Variants in ANK1 observed in about 807,000 individuals in gnomAD.
The protein encoded by ANK1 is ankyrin-1.
A neutral mutation model predicts 210.4 loss-of-function variants in ANK1; 51 were observed. The observed-to-expected ratio is 0.24, with a 90% CI of 0.19 to 0.31. ANK1 has a LOEUF of 0.31. Among genes scored for constraint, ANK1 ranks in the 10% least tolerant of loss-of-function variants. The pLI is 1.00. For synonymous variants in ANK1, 967 were observed against 1,025.9 expected, an observed-to-expected ratio of 0.94 and a Z score of 1.10; for missense variants, 2,051 against 2,504.4, an observed-to-expected ratio of 0.82 and a Z score of 3.86.
At chr8:41,724,056 G>A (rs1469235073) in intron 7 of ANK1, among the ~76,000 whole-genome samples, 2 of 152,056 alleles carry the variant, frequency 1.3e-5, no homozygotes, top group African/African-American at 4.8e-5. Context: ...CCAAAGTGCT[G>A]GGATTACAGG....
intron 1 of ANK1, among the ~76,000 whole-genome samples, chr8:41,849,854 T>C (rs1165281695): frequency 6.6e-6 from 1 of 152,216 alleles, no homozygotes; most frequent in African/African-American, 2.4e-5. Flanking sequence ...AGAAAACTTA[T>C]TCCAGCACCA....
At chr8:41,703,960 A>AACT in intron 20 of ANK1, 81 bp downstream of exon 20, 1 of 1,332,914 alleles carries the variant, frequency 7.5e-7, no homozygotes, top group East Asian at 2.3e-5. Context: ...ACGTGCATTA[A>AACT]CCTCTACGGT....
At chr8:41,673,238 C>G (rs1421751606) in intron 37 of ANK1, among the ~76,000 whole-genome samples, 1 of 152,164 alleles carries the variant, frequency 6.6e-6, no homozygotes, top group Non-Finnish European at 1.5e-5. Context: ...GATAAAGAAG[C>G]CTTTATCCAA....
At chr8:41,874,554 C>G (rs1025297753) in intron 1 of ANK1, among the ~76,000 whole-genome samples, 5 of 152,160 alleles carry the variant, frequency 3.3e-5, no homozygotes, top group African/African-American at 1.2e-4. Flanking sequence ...CAGAGTGTGT[C>G]GGAGAGCAGG....
intron 39 of ANK1, chr8:41,663,962 G>A: frequency 1.5e-6 from 1 of 645,482 alleles, no homozygotes; most frequent in Non-Finnish European, 2.9e-6. Flanking sequence ...GAACGGTCGA[G>A]CTCACAATTG....
At chr8:41,770,717 G>GGCGAT (rs1006489999) in intron 1 of ANK1, among the ~76,000 whole-genome samples, 1 of 152,202 alleles carries the variant, frequency 6.6e-6, no homozygotes, top group Non-Finnish European at 1.5e-5. Context: ...AACTTAGGCA[G>GGCGAT]GCGATGAGTC....
At chr8:41,777,326 G>T (rs2150742132) in intron 1 of ANK1, among the ~76,000 whole-genome samples, 1 of 152,272 alleles carries the variant, frequency 6.6e-6, no homozygotes, top group Non-Finnish European at 1.5e-5. Context: ...TGTAATCCCA[G>T]CACTTTGGGA....
intron 1 of ANK1, among the ~76,000 whole-genome samples, chr8:41,823,020 C>T (rs988405595): frequency 6.6e-5 from 10 of 152,246 alleles, no homozygotes; most frequent in African/African-American, 2.2e-4. Context: ...TGACAGGCTG[C>T]TCTGAGCATG....
In ANK1 at chr8:41,886,845, G is replaced by A. The variant is rs144006653; in HGVS notation, c.126+9510C>T. Among the ~76,000 whole-genome samples, 1,013 of 152,314 alleles carry A rather than the reference G, an allele frequency of 6.7e-3. 3 individuals are homozygous for A. The highest frequency in any genetic ancestry group is 0.02 in the Middle Eastern group (6 of 294). On this transcript the variant is annotated intron_variant, in intron 1 of 42. Transcript: ENST00000265709. ...TTAGGAAGCCACTGAAGGACTGAAA[G>A]AAGGGAGTGTCAGGATCTGATTTGC...
Position 41,825,184 on chromosome 8 carries a change from G to A in ANK1, c.127-67047C>T, listed in dbSNP as rs16890853. Among the ~76,000 whole-genome samples the A allele has an allele frequency of 9.0e-3, 1,366 of 152,308 alleles. 36 individuals are homozygous for A. Among genetic ancestry groups the A allele is most frequent in the African/African-American group, 0.032 (1,315 of 41,574 alleles). On this transcript the variant is annotated intron_variant, in intron 1 of 42. Coordinates refer to the ANK1 transcript ENST00000265709. ...TCAATGCTGCAGCCACTGCTCGCCC[G>A]ACTAGGACATTTTTGCTCTTCCAAA...
Position 41,839,023 on chromosome 8 carries a change from G to C in ANK1, c.126+57332C>G, listed in dbSNP as rs182014594. Among the ~76,000 whole-genome samples, 40 of 152,186 alleles carry C rather than the reference G, an allele frequency of 2.6e-4. 1 individual carries two copies. Among genetic ancestry groups the C allele is most frequent in the African/African-American group, 9.4e-4 (39 of 41,504 alleles). On this transcript the variant is annotated intron_variant, in intron 1 of 42. Transcript: ENST00000265709. ...ACCCAGAAGGTGGAGGTTGCAGTGA[G>C]CCGAGATGGCACCACTGCACTCCAG...
chr8:41,887,784 T>C (rs1039825181), intron 1 of ANK1, among the ~76,000 whole-genome samples: 2 of 152,244 alleles, frequency 1.3e-5, no homozygotes, highest in Admixed American at 6.5e-5. Flanking sequence ...AACTGAAGCA[T>C]ATTCCTATTT....
chr8:41,714,008 G>T, intron 16 of ANK1, 148 bp downstream of exon 16: 1 of 496,472 alleles, frequency 2.0e-6, no homozygotes, highest in Non-Finnish European at 3.2e-6. Context: ...CAGGTAACAT[G>T]TGGGAAAGTG....
chr8:41,736,744 C>T (rs997272102), intron 2 of ANK1, among the ~76,000 whole-genome samples: 1 of 152,180 alleles, frequency 6.6e-6, no homozygotes, highest in Non-Finnish European at 1.5e-5. Flanking sequence ...CTGGGACGGC[C>T]GGCCCCTGCT....
At chr8:41,840,609 A>C (rs1808708093) in intron 1 of ANK1, among the ~76,000 whole-genome samples, 1 of 152,152 alleles carries the variant, frequency 6.6e-6, no homozygotes, top group Non-Finnish European at 1.5e-5. Flanking sequence ...CTGTGTCCTC[A>C]CACTACTGAG....
intron 31 of ANK1, among the ~76,000 whole-genome samples, chr8:41,692,125 C>T (rs935290089): frequency 7.3e-5 from 11 of 151,660 alleles, no homozygotes; most frequent in Non-Finnish European, 1.6e-4. Flanking sequence ...AGTGCGATCT[C>T]GGCTCACTGC....
Position 41,692,672 on chromosome 8 carries a change from C to T in ANK1, c.3834G>A (p.Glu1278=). 3.7e-6 allele frequency: 6 copies of T among 1,613,926 alleles called. No homozygotes were observed. The highest frequency in any genetic ancestry group is 4.2e-6 in the Non-Finnish European group (5 of 1,180,024). Residue 1278 remains glutamate, a synonymous_variant, in exon 31 of 43, where the codon GAG becomes GAA. Coordinates refer to ENST00000289734, the MANE Select transcript of ANK1 (RefSeq NM_000037.4). ...CCTCTATGTCCCTGCTCCGGGCCACCTCCACGAAGTTCTCATGCTGCTCCA... is the reference window on the plus strand; with the variant it reads ...CCTCTATGTCCCTGCTCCGGGCCACTTCCACGAAGTTCTCATGCTGCTCCA... ...KTLEQHENFV[E]VARSRDIEVL...
intron 2 of ANK1, among the ~76,000 whole-genome samples, chr8:41,742,394 A>G (rs556464091): frequency 6.6e-6 from 1 of 152,330 alleles, no homozygotes; most frequent in Non-Finnish European, 1.5e-5. Flanking sequence ...CATTCCCATG[A>G]GGACACACAG....
intron 37 of ANK1, among the ~76,000 whole-genome samples, chr8:41,678,151 C>CT (rs963892158): frequency 8.7e-5 from 13 of 149,166 alleles, no homozygotes; most frequent in Admixed American, 1.3e-4. Flanking sequence ...TTTTCTTTTT[C>CT]TTTTTTTTTG....
Sources: allele counts gnomAD v4.1 joint callset (sites outside exome capture counted in the v4.1 genomes callset), GRCh38; gene constraint gnomAD v4.1.1; transcripts MANE v1.5; gene names NCBI Gene and HGNC (gene_info 2026-07-23, HGNC 2026-07-21).